Variants in RNF138 observed in about 807,000 individuals in gnomAD.
RNF138 encodes ring finger protein 138, also known as E3 ubiquitin-protein ligase RNF138.
RNF138 carries 12 observed loss-of-function variants against 31.0 expected under a neutral mutation model. That is an observed-to-expected ratio of 0.39 (90% CI 0.25 to 0.63). RNF138 has a LOEUF of 0.63. Among genes scored for constraint, RNF138 ranks in the 20% least tolerant of loss-of-function variants. The pLI, the probability that RNF138 is intolerant of heterozygous loss-of-function variation, is 0.52. For synonymous variants in RNF138, 105 were observed against 99.5 expected (o/e 1.06, Z -0.33); for missense variants, 192 against 300.1 (o/e 0.64, Z 2.66).
intron 2 of RNF138, among the ~76,000 whole-genome samples, chr18:32,097,974 G>GT (rs1568224374): frequency 2.8e-5 from 2 of 71,188 alleles, no homozygotes; most frequent in African/African-American, 1.0e-4. Context: ...GTGTGTGTGT[G>GT]TGTTATTTTT....
At chr18:32,102,854 CT>C (rs2039967330) in intron 2 of RNF138, among the ~76,000 whole-genome samples, 1 of 151,478 alleles carries the variant, frequency 6.6e-6, no homozygotes, top group African/African-American at 2.4e-5. Context: ...TGGTCTTGAA[CT>C]CCTGACCTTA....
chr18:32,098,827 C>T lies in RNF138; in HGVS notation c.110+5941C>T, dbSNP rs189155543. ...GAGATGGTGCCACTGCACTCCAGCC[C>T]GGGCGACAGAGTGAGACTCCGTTTC... On this transcript the variant is annotated intron_variant, in intron 2 of 7. Coordinates refer to ENST00000261593, the MANE Select transcript of RNF138 (RefSeq NM_016271.5). Among the ~76,000 whole-genome samples the T allele has an allele frequency of 7.4e-3, 1,060 of 143,340 alleles. 13 individuals carry two copies. Among genetic ancestry groups the T allele is most frequent in the African/African-American group, 0.026 (981 of 38,202 alleles). 94.0% of individuals were successfully genotyped at this position (143,340 alleles called of 152,430 possible).
intron 2 of RNF138, among the ~76,000 whole-genome samples, chr18:32,108,318 C>T (rs1282146772): frequency 6.6e-6 from 1 of 152,056 alleles, no homozygotes; most frequent in Non-Finnish European, 1.5e-5. Context: ...CCTAATGTTC[C>T]CTTCTCTAAG....
At chr18:32,121,182 C>T (rs2040299815) in intron 4 of RNF138, among the ~76,000 whole-genome samples, 1 of 151,154 alleles carries the variant, frequency 6.6e-6, no homozygotes, top group Admixed American at 6.6e-5. Flanking sequence ...AAGATGTATG[C>T]CATAGGATAA....
At chr18:32,099,179 T>G (rs996610179) in intron 2 of RNF138, among the ~76,000 whole-genome samples, 3 of 152,154 alleles carry the variant, frequency 2.0e-5, no homozygotes, top group Non-Finnish European at 4.4e-5. Flanking sequence ...TGCCCTGTTC[T>G]GAAGATACGG....
chr18:32,118,791 T>A (rs2040257134), intron 4 of RNF138, among the ~76,000 whole-genome samples: 1 of 151,838 alleles, frequency 6.6e-6, no homozygotes, highest in Non-Finnish European at 1.5e-5. Flanking sequence ...ATCGTGCCAC[T>A]AACACTCCAG....
At chr18:32,109,657 A>G (rs2040094251) in intron 2 of RNF138, 2 of 152,212 alleles carry the variant, frequency 1.3e-5, no homozygotes, top group South Asian at 2.1e-4. Context: ...GGAGGCTGAG[A>G]TGGCTGGATC....
At chr18:32,107,888 A>G (rs2040062328) in intron 2 of RNF138, among the ~76,000 whole-genome samples, 1 of 150,844 alleles carries the variant, frequency 6.6e-6, no homozygotes, top group Admixed American at 6.6e-5. Context: ...TTGGAGACGG[A>G]TTCTCGCTCT....
At position 32,131,496 on chromosome 18, in the gene RNF138, T is replaced by C. The variant is rs185527218; in HGVS notation, c.*2309T>C. 2.2e-4 allele frequency: 34 copies of C among 152,340 alleles called. No individual in the cohort carries two copies. Among genetic ancestry groups the C allele is most frequent in the African/African-American group, 7.9e-4 (33 of 41,602 alleles). 9.4% of individuals were successfully genotyped at this position (152,340 alleles called of 1,614,324 possible). On this transcript the variant is annotated 3_prime_UTR_variant, in exon 8 of 8. Coordinates refer to ENST00000261593, the MANE Select transcript of RNF138 (RefSeq NM_016271.5). ...GCTATTTCAACAAATTACAGTTTTA[T>C]TGTTAAAACAGAGTCTTATTTGAGA...
At position 32,092,885 on chromosome 18, in the gene RNF138, G is replaced by T. The variant is rs1351514733; in HGVS notation, c.109G>T (p.Val37Phe). The change falls in exon 2 of 8, where the codon GTT becomes TTT. Residue 37 changes from valine to phenylalanine, a missense_variant and splice_region_variant. Val to Phe is a conservative substitution (Grantham distance 50). Around this residue, in one of 2 missense-constraint regions of RNF138, gnomAD observed 52 missense variants for 48.4 expected, o/e 1.07. Transcript: ENST00000261593. Reference sequence around the variant, plus strand: ...CGTGCGGACCACGGCCTGTCAGCACGTGTGAGTAGACGCCCCCTCCCCCTC... The same window carrying T: ...CGTGCGGACCACGGCCTGTCAGCACTTGTGAGTAGACGCCCCCTCCCCCTC... ...TPVRTTACQH[V>F]FCRKCFLTAM... 6.5e-7 allele frequency: 1 copy of T among 1,538,490 alleles called. No homozygotes were observed. Among genetic ancestry groups the T allele is most frequent in the Non-Finnish European group, 8.8e-7 (1 of 1,139,632 alleles).
rs571438889 is a variant in RNF138, at chr18:32,104,253, T to TC, written c.111-7495dup. 7.2e-4 allele frequency among the ~76,000 whole-genome samples: 108 copies of TC among 150,632 alleles called. 4 individuals are homozygous for TC. The South Asian group carries it at 0.022, about 31-fold the overall frequency. On this transcript the variant is annotated intron_variant, in intron 2 of 7. Coordinates refer to ENST00000261593, the MANE Select transcript of RNF138 (RefSeq NM_016271.5). The stretch of plus-strand genomic sequence containing the variant: ...GTCTCGAACTCCTGAGGTCAAATGA[T>TC]CCCCCCACTTCGGCGTCCCAAAGGG...
chr18:32,110,548 TG>T lies in RNF138; in HGVS notation c.111-1205del, dbSNP rs140724473. ...GCATAGTTAGGAAACTCAGGTTATG[TG>T]ATCTGTTACTGCACCATTTCCTCTC... is the stretch of plus-strand genomic sequence containing the variant. On this transcript the variant is annotated intron_variant, in intron 2 of 7. Transcript: ENST00000261593. Among the ~76,000 whole-genome samples, 1,154 of 152,336 alleles carry T rather than the reference TG, an allele frequency of 7.6e-3. 17 individuals carry two copies. Among genetic ancestry groups the T allele is most frequent in the African/African-American group, 0.027 (1,108 of 41,578 alleles).
chr18:32,111,997 G>GT, intron 3 of RNF138, 78 bp downstream of exon 3: 55 of 1,201,968 alleles, frequency 4.6e-5, no homozygotes, highest in East Asian at 8.3e-5. Context: ...TTCTTGGTTG[G>GT]TGTTTTTTTT....
chr18:32,125,517 T>C lies in RNF138; in HGVS notation c.561+672T>C, dbSNP rs1251880921. ...CTGGGAGAGAGATTTCCCTTTCAGC[T>C]GAACATTTTGATATATAAATAATTG... On this transcript the variant is annotated intron_variant, in intron 6 of 7. Transcript: ENST00000261593. 2.6e-5 allele frequency among the ~76,000 whole-genome samples: 4 copies of C among 152,220 alleles called. No individual in the cohort carries two copies. In the East Asian group the frequency reaches 7.7e-4, roughly 29 times the overall value.
At chr18:32,105,147 A>C (rs1397058627) in intron 2 of RNF138, among the ~76,000 whole-genome samples, 1 of 152,174 alleles carries the variant, frequency 6.6e-6, no homozygotes, top group Non-Finnish European at 1.5e-5. Context: ...GCTGGAGTGC[A>C]GTGGCACCAT....
At chr18:32,093,284 G>A (rs1455648499) in intron 2 of RNF138, among the ~76,000 whole-genome samples, 1 of 152,026 alleles carries the variant, frequency 6.6e-6, no homozygotes, top group East Asian at 1.9e-4. Flanking sequence ...TTAGCAACCC[G>A]GGTGAAGGCT....
At chr18:32,112,974 GTT>G (rs925578688) in intron 3 of RNF138, among the ~76,000 whole-genome samples, 1 of 152,148 alleles carries the variant, frequency 6.6e-6, no homozygotes, top group Non-Finnish European at 1.5e-5. Context: ...TGAAGGAAGT[GTT>G]TAACTGACAG....
In RNF138 at chr18:32,092,000, A is replaced by G. The variant is rs1414623124; in HGVS notation, c.-313A>G. On this transcript the variant is annotated 5_prime_UTR_variant, in exon 1 of 8. The change abolishes an upstream ATG in the 5' untranslated region. Coordinates refer to ENST00000261593, the MANE Select transcript of RNF138 (RefSeq NM_016271.5). ...GGCCGGGTAGGCTGTAGGCAGCGCA[A>G]TGCCAAGACAGAGCTGCTGGCGGCG... The G allele has an allele frequency of 6.6e-6, 1 of 152,544 alleles. No homozygotes were observed. Among genetic ancestry groups the G allele is most frequent in the Non-Finnish European group, 1.5e-5 (1 of 68,326 alleles). 9.4% of individuals were successfully genotyped at this position (152,544 alleles called of 1,614,324 possible). A position where few individuals can be genotyped will look rare whatever the true frequency, so the allele number is the denominator to read the frequency against.
intron 2 of RNF138, among the ~76,000 whole-genome samples, chr18:32,103,934 C>T (rs1598849681): frequency 6.6e-6 from 1 of 151,342 alleles, no homozygotes; most frequent in African/African-American, 2.4e-5. Flanking sequence ...CACTGCACTC[C>T]AGCCTGGGCG....
Sources: gnomAD v4.1 joint callset for allele counts (sites outside exome capture counted in the v4.1 genomes callset) on GRCh38, gnomAD v4.1.1 for gene constraint, gnomAD v4.1.1 regional missense constraint, MANE v1.5 for transcripts, NCBI Gene and HGNC (gene_info 2026-07-23, HGNC 2026-07-21) for gene names.